Variants in GAS7 observed in about 807,000 individuals in gnomAD.
GAS7 encodes growth arrest specific 7.
Under a neutral mutation model 71.1 loss-of-function variants are expected in GAS7, and 28 were observed. The ratio of observed to expected loss-of-function variants is 0.39; its 90% CI spans 0.29 to 0.54. GAS7 has a LOEUF of 0.54. Among genes scored for constraint, GAS7 ranks in the 20% least tolerant of loss-of-function variants. GAS7 has a pLI of 0.62. For missense variants in GAS7, 436 were observed against 627.8 expected (o/e 0.69, Z 3.27); for synonymous variants, 258 against 245.8 (o/e 1.05, Z -0.46).
chr17:10,173,716 C>T (rs749489702), intron 1 of GAS7, among the ~76,000 whole-genome samples: 3 of 150,338 alleles, frequency 2.0e-5, no homozygotes, highest in Admixed American at 1.3e-4. Context: ...TGTAGTGAGC[C>T]GAGATCGTGC....
At chr17:9,940,786 A>C (rs1358945237) in intron 7 of GAS7, among the ~76,000 whole-genome samples, 1 of 152,238 alleles carries the variant, frequency 6.6e-6, no homozygotes, top group African/African-American at 2.4e-5. Flanking sequence ...GTTGCCTTGG[A>C]TGTAGCTTCC....
chr17:10,154,770 G>A (rs1024400682), intron 1 of GAS7, among the ~76,000 whole-genome samples: 2 of 152,112 alleles, frequency 1.3e-5, no homozygotes, highest in Non-Finnish European at 2.9e-5. Context: ...TGCTGTCTAT[G>A]GGTGATGCTC....
In GAS7 at chr17:10,034,131, C is replaced by T. The variant is rs1390342197; in HGVS notation, c.184-14234G>A. On this transcript the variant is annotated intron_variant, in intron 1 of 13. Transcript: ENST00000432992. This position sits in a 1 kb window ranked among gnomAD's most constrained non-coding sequence, Gnocchi z 4.4. Reference sequence around the variant, plus strand: ...CCTACCACTGCTCTGTGCCACCGTGCGAAGAACACAGGATGGGAATCGGAG... The same window carrying T: ...CCTACCACTGCTCTGTGCCACCGTGTGAAGAACACAGGATGGGAATCGGAG... The T allele has an allele frequency of 9.1e-6, 9 of 985,080 alleles. No individual in the cohort carries two copies. The highest frequency in any genetic ancestry group is 8.4e-6 in the Non-Finnish European group (7 of 829,802). 61.0% of individuals were successfully genotyped at this position (985,080 alleles called of 1,614,324 possible).
intron 1 of GAS7, among the ~76,000 whole-genome samples, chr17:10,045,246 C>G (rs938893980): frequency 6.6e-6 from 1 of 152,110 alleles, no homozygotes; most frequent in African/African-American, 2.4e-5. Context: ...AAGAAGAGAA[C>G]AAGAAAGAGG....
At chr17:10,153,826 G>C (rs1365449367) in intron 1 of GAS7, among the ~76,000 whole-genome samples, 4 of 152,134 alleles carry the variant, frequency 2.6e-5, no homozygotes, top group African/African-American at 9.7e-5. Context: ...CAGCATTTTG[G>C]GAGGCCAAGA....
intron 5 of GAS7, chr17:9,958,795 T>C (rs1222897878): frequency 2.1e-5 from 4 of 189,296 alleles, no homozygotes; most frequent in Admixed American, 5.7e-5. Flanking sequence ...ACGCTTTCTC[T>C]TGCTTTTTAC....
intron 1 of GAS7, among the ~76,000 whole-genome samples, chr17:10,055,780 G>A (rs1440165537): frequency 6.6e-6 from 1 of 152,138 alleles, no homozygotes; most frequent in Non-Finnish European, 1.5e-5. Flanking sequence ...CACACATAAC[G>A]CGCTCTGATA....
intron 1 of GAS7, among the ~76,000 whole-genome samples, chr17:10,080,763 G>A (rs1366687394): frequency 6.6e-6 from 1 of 152,218 alleles, no homozygotes; most frequent in Non-Finnish European, 1.5e-5. Flanking sequence ...GAATTCACAG[G>A]AAATAGTCAA....
rs980349471 is a variant in GAS7, at chr17:10,057,391, C to T, written c.184-37494G>A. On this transcript the variant is annotated intron_variant, in intron 1 of 13. Coordinates refer to ENST00000432992, the MANE Select transcript of GAS7 (RefSeq NM_201433.2). ...CCCCCATCGTCTGAGATGTGGGGAG[C>T]GCCTCTGCCCTGCCGCCCCGTCTGG... Among the ~76,000 whole-genome samples, 54 of 151,806 alleles carry T rather than the reference C, an allele frequency of 3.6e-4. 1 individual carries two copies. Among genetic ancestry groups the T allele is most frequent in the African/African-American group, 9.7e-5 (4 of 41,390 alleles).
chr17:9,939,854 C>T (rs368376245), intron 8 of GAS7, among the ~76,000 whole-genome samples: 12 of 152,240 alleles, frequency 7.9e-5, no homozygotes, highest in African/African-American at 2.4e-4. Context: ...GTGATCCACC[C>T]GCCTCGGCCT....
At chr17:9,990,791 C>T (rs572128047) in intron 2 of GAS7, among the ~76,000 whole-genome samples, 52 of 152,230 alleles carry the variant, frequency 3.4e-4, no homozygotes, top group African/African-American at 1.2e-3. Flanking sequence ...AAGTATGGTT[C>T]CCGGACCAGC....
chr17:9,938,941 T>C (rs962924852), intron 8 of GAS7, among the ~76,000 whole-genome samples: 3 of 152,220 alleles, frequency 2.0e-5, no homozygotes, highest in African/African-American at 7.2e-5. Flanking sequence ...CACAGTAGCA[T>C]GTATTAGTGT....
At chr17:9,927,290 T>TACACACACATACAC (rs1555589672) in intron 9 of GAS7, among the ~76,000 whole-genome samples, 321 of 116,920 alleles carry the variant, frequency 2.7e-3, no homozygotes, top group African/African-American at 0.01. Flanking sequence ...CTCTACTACA[T>TACACACACATACAC]ACACACACAC....
intron 1 of GAS7, among the ~76,000 whole-genome samples, chr17:10,088,164 T>G (rs903060494): frequency 6.6e-6 from 1 of 151,224 alleles, no homozygotes; most frequent in African/African-American, 2.4e-5. Flanking sequence ...GAGGTTGCAG[T>G]GAGCTGAGAT....
chr17:10,010,444 G>A (rs191202687), intron 2 of GAS7, among the ~76,000 whole-genome samples: 4 of 152,178 alleles, frequency 2.6e-5, no homozygotes, highest in Admixed American at 2.0e-4. Flanking sequence ...GAGCCACCGC[G>A]CCCAGCCTGA....
chr17:10,185,382 G>C (rs972988732), intron 1 of GAS7, among the ~76,000 whole-genome samples: 2 of 152,154 alleles, frequency 1.3e-5, no homozygotes, highest in Admixed American at 1.3e-4. Flanking sequence ...GATCACTAGA[G>C]CATGCAGAAA....
chr17:10,004,632 G>A (rs1363054656), intron 2 of GAS7, among the ~76,000 whole-genome samples: 3 of 152,216 alleles, frequency 2.0e-5, no homozygotes. Flanking sequence ...CTTCATACCT[G>A]TTGACTAATA....
chr17:9,946,942 T>C lies in GAS7; in HGVS notation c.567A>G (p.Glu189=), dbSNP rs768693403. The part of the protein sequence containing the change: ...VTFPHPDTMP[E]QQLLKPTEWS... Reference sequence around the variant, plus strand: ...ACTCGGTTGGTTTCAGCAGCTGCTGTTCCGGCATCGTGTCTGGGTGAGGGA... The same window carrying C: ...ACTCGGTTGGTTTCAGCAGCTGCTGCTCCGGCATCGTGTCTGGGTGAGGGA... Residue 189 remains glutamate, a synonymous_variant, in exon 6 of 14, where the codon GAA becomes GAG. Transcript: ENST00000432992. 6.2e-7 allele frequency: 1 copy of C among 1,613,536 alleles called. No homozygotes were observed. The highest frequency in any genetic ancestry group is 1.1e-5 in the South Asian group (1 of 91,078).
At chr17:10,181,637 T>G (rs1030523338) in intron 1 of GAS7, among the ~76,000 whole-genome samples, 4 of 152,254 alleles carry the variant, frequency 2.6e-5, no homozygotes, top group South Asian at 2.1e-4. Context: ...TAAACAAGGC[T>G]AAGGCATGGT....
Sources: gnomAD v4.1 joint callset for allele counts (sites outside exome capture counted in the v4.1 genomes callset) on GRCh38, gnomAD v4.1.1 for gene constraint, Gnocchi (gnomAD v3.1) non-coding constraint, MANE v1.5 for transcripts, NCBI Gene and HGNC (gene_info 2026-07-23, HGNC 2026-07-21) for gene names.